The following ZNF516 variants were observed in gnomAD, a reference collection of about 807,000 sequenced individuals.
ZNF516 encodes zinc finger protein 516.
ZNF516 carries 19 observed loss-of-function variants against 79.7 expected under a neutral mutation model. The ratio of observed to expected loss-of-function variants is 0.24; its 90% CI spans 0.17 to 0.35. The LOEUF (loss-of-function observed/expected upper bound fraction) is 0.35. Among genes scored for constraint, ZNF516 ranks in the 10% least tolerant of loss-of-function variants. The pLI is 1.00. For missense variants in ZNF516, 1,678 were observed against 1,679.5 expected (o/e 1.00, Z 0.02); for synonymous variants, 877 against 739.5 (o/e 1.19, Z -3.02).
At chr18:76,414,926 G>A (rs570530240) in intron 3 of ZNF516, among the ~76,000 whole-genome samples, 25 of 152,342 alleles carry the variant, frequency 1.6e-4, no homozygotes, top group African/African-American at 3.8e-4. Context: ...CACTGGATGC[G>A]GTGGCTCACG....
intron 1 of ZNF516, chr18:76,491,108 C>G: frequency 1.0e-6 from 1 of 983,200 alleles, no homozygotes. Flanking sequence ...CCTTTCCCAC[C>G]GCCCCACCTC....
intron 1 of ZNF516, among the ~76,000 whole-genome samples, chr18:76,480,315 C>T (rs188548258): frequency 1.3e-5 from 2 of 152,114 alleles, no homozygotes; most frequent in East Asian, 1.9e-4. Context: ...GATGTGATCA[C>T]TAGAAAACGT....
At position 76,380,028 on chromosome 18, in the gene ZNF516, T is replaced by C. The variant is rs748821696; in HGVS notation, c.2086A>G (p.Ser696Gly). 1.9e-5 allele frequency: 31 copies of C among 1,613,844 alleles called. 1 individual carries two copies. In the South Asian group the frequency reaches 3.2e-4, roughly 17 times the overall value. The part of the protein sequence containing the change: ...VPGDGVEFPS[S>G]TGAEGQTGHP... ...CCCGTCTGGCCCTCCGCTCCCGTAC[T>C]GGAAGGGAACTCCACACCATCACCA... Residue 696 changes from serine (S) to glycine (G), a missense_variant, in exon 4 of 7, where the codon AGT (serine) becomes GGT (glycine). By Grantham distance (56) the Ser-to-Gly change is moderately conservative. Around this residue, in one of 5 missense-constraint regions of ZNF516, gnomAD observed 1,294 missense variants for 1,248.3 expected, o/e 1.04. Transcript: ENST00000443185.
intron 3 of ZNF516, among the ~76,000 whole-genome samples, chr18:76,395,245 GT>G (rs1007200615): frequency 6.6e-6 from 1 of 152,190 alleles, no homozygotes. Flanking sequence ...TGCGCTCGCT[GT>G]TTCCCCCGCA....
intron 3 of ZNF516, among the ~76,000 whole-genome samples, chr18:76,435,648 G>A (rs1031962000): frequency 6.6e-6 from 1 of 152,204 alleles, no homozygotes; most frequent in South Asian, 2.1e-4. Flanking sequence ...TACTAAACAA[G>A]AATTTAATAT....
chr18:76,386,336 G>A (rs1010530863), intron 3 of ZNF516: 1 of 152,032 alleles, frequency 6.6e-6, no homozygotes, highest in African/African-American at 2.4e-5. Context: ...TCAACACCGG[G>A]GGCTCACCTG....
intron 3 of ZNF516, among the ~76,000 whole-genome samples, chr18:76,428,568 A>C (rs113924861): frequency 0.016 from 2,402 of 152,324 alleles, 29 homozygotes; most frequent in Middle Eastern, 0.041. Flanking sequence ...AGTCCAAGAG[A>C]GGAGAGTCCT....
chr18:76,453,224 T>A (rs1481253659), intron 2 of ZNF516, among the ~76,000 whole-genome samples: 3 of 152,192 alleles, frequency 2.0e-5, no homozygotes, highest in Non-Finnish European at 4.4e-5. Flanking sequence ...CGTTAGGGAT[T>A]TGGAGGTAAA....
rs1242485546 is a variant in ZNF516 at position 76,490,011 on chromosome 18, C to T, written c.-272+5133G>A. ...AGAAGGTTAATGCGCTCTGGTGTTT[C>T]AGTATATTCAAATTAGCAAATGTTA... On this transcript the variant is annotated intron_variant, in intron 1 of 6. Transcript: ENST00000443185. 8 of 211,862 alleles carry T rather than the reference C, an allele frequency of 3.8e-5. No homozygotes were observed. The East Asian group carries it at 1.3e-3, about 34-fold the overall frequency. 13.1% of individuals were successfully genotyped at this position (211,862 alleles called of 1,614,324 possible).
intron 4 of ZNF516, among the ~76,000 whole-genome samples, chr18:76,377,108 G>A (rs759721165): frequency 2.0e-5 from 3 of 152,222 alleles, no homozygotes; most frequent in Admixed American, 6.5e-5. Context: ...GTAACTGAAC[G>A]TGGAAAAAGT....
At chr18:76,425,945 C>T (rs72975917) in intron 3 of ZNF516, among the ~76,000 whole-genome samples, 4,970 of 152,336 alleles carry the variant, frequency 0.033, 99 homozygotes, top group Non-Finnish European at 0.05. Context: ...CAGCGCTGCT[C>T]TTCGCGGCAC....
chr18:76,440,348 G>A (rs1414903894), intron 3 of ZNF516, among the ~76,000 whole-genome samples: 2 of 152,166 alleles, frequency 1.3e-5, no homozygotes, highest in African/African-American at 4.8e-5. Context: ...CCCTGCCCCG[G>A]GCTTGGATTT....
chr18:76,376,415 C>T (rs555413943), intron 4 of ZNF516, among the ~76,000 whole-genome samples: 1 of 152,184 alleles, frequency 6.6e-6, no homozygotes, highest in South Asian at 2.1e-4. Flanking sequence ...CCTAAATTTG[C>T]TGACTCACAC....
intron 2 of ZNF516, among the ~76,000 whole-genome samples, chr18:76,448,922 A>G (rs1030105201): frequency 2.8e-4 from 42 of 152,220 alleles, no homozygotes; most frequent in African/African-American, 9.2e-4. Flanking sequence ...GCGATTCACT[A>G]TATTTGCAAG....
At chr18:76,476,893 A>G (rs1914206626) in intron 1 of ZNF516, among the ~76,000 whole-genome samples, 1 of 152,198 alleles carries the variant, frequency 6.6e-6, no homozygotes, top group Admixed American at 6.5e-5. Flanking sequence ...GGAGGCTTAA[A>G]TCACTTTCAA....
chr18:76,379,892 C>A lies in ZNF516; in HGVS notation c.2222G>T (p.Arg741Leu), dbSNP rs1266934432. ...CGTCTCCTTATTGCTGGGGTCATCC[C>A]GCGTCGACCTCGCACTTAAATCTAG... is the stretch of plus-strand genomic sequence containing the variant. Reference protein sequence around the residue: ...MPLDLSARSTRDDPSNKETAS... With the variant: ...MPLDLSARSTLDDPSNKETAS... The change falls in exon 4 of 7, where the codon CGG becomes CTG. Residue 741 changes from arginine (R) to leucine (L), a missense_variant. Arg to Leu is a moderately radical substitution (Grantham distance 102). Coordinates refer to ENST00000443185, the MANE Select transcript of ZNF516 (RefSeq NM_014643.4). The A allele has an allele frequency of 6.2e-7, 1 of 1,613,934 alleles. No individual in the cohort carries two copies. The highest frequency in any genetic ancestry group is 1.1e-5 in the South Asian group (1 of 91,080).
intron 2 of ZNF516, among the ~76,000 whole-genome samples, chr18:76,458,365 T>C (rs895388341): frequency 6.6e-6 from 1 of 152,142 alleles, no homozygotes; most frequent in Non-Finnish European, 1.5e-5. Flanking sequence ...CACAAAAAGG[T>C]GCTTTGCAAG....
chr18:76,415,765 T>C (rs777813771), intron 3 of ZNF516, among the ~76,000 whole-genome samples: 21 of 152,316 alleles, frequency 1.4e-4, no homozygotes, highest in Non-Finnish European at 2.9e-4. Flanking sequence ...AAATGCAGCA[T>C]GTCCTCAACA....
chr18:76,426,280 A>G (rs17059356), intron 3 of ZNF516, among the ~76,000 whole-genome samples: 6,194 of 152,300 alleles, frequency 0.041, 227 homozygotes, highest in African/African-American at 0.094. Flanking sequence ...CTTTGCTGAT[A>G]TGAGGTAGCC....
Sources: allele counts gnomAD v4.1 joint callset (sites outside exome capture counted in the v4.1 genomes callset), GRCh38; gene constraint gnomAD v4.1.1; regional missense constraint gnomAD v4.1.1; transcripts MANE v1.5; gene names NCBI Gene and HGNC (gene_info 2026-07-23, HGNC 2026-07-21).